Variants in POLR3B observed in about 807,000 individuals in gnomAD.
POLR3B encodes the protein RNA polymerase III subunit B.
In POLR3B, 96 loss-of-function variants were observed where a neutral mutation model predicts 147.4. The ratio of observed to expected loss-of-function variants is 0.65; its 90% CI spans 0.55 to 0.77. The LOEUF is 0.77. POLR3B is among the 30% of genes least tolerant of loss of function. The probability of loss-of-function intolerance (pLI) is 0.00; values close to 1 mark genes in which losing one functional copy is unlikely to be tolerated. For synonymous variants in POLR3B, 461 were observed against 485.9 expected, an observed-to-expected ratio of 0.95 and a Z score of 0.67; for missense variants, 1,036 against 1,413.5, an observed-to-expected ratio of 0.73 and a Z score of 4.28.
intron 6 of POLR3B, among the ~76,000 whole-genome samples, chr12:106,372,756 A>T (rs2036626934): frequency 6.6e-6 from 1 of 151,996 alleles, no homozygotes; most frequent in African/African-American, 2.4e-5. Context: ...TGTGTCACCC[A>T]CTTTGCTTCT....
chr12:106,401,730 G>C (rs1267215939), intron 10 of POLR3B, among the ~76,000 whole-genome samples: 1 of 152,170 alleles, frequency 6.6e-6, no homozygotes, highest in East Asian at 1.9e-4. Context: ...TATCTCAATA[G>C]ATGCGGAAAA....
intron 10 of POLR3B, among the ~76,000 whole-genome samples, chr12:106,402,433 C>G (rs1280757129): frequency 6.6e-6 from 1 of 152,210 alleles, no homozygotes; most frequent in African/African-American, 2.4e-5. Context: ...CTACCAGTGA[C>G]TTTCTTCACA....
At chr12:106,400,511 A>G (rs914403108) in intron 10 of POLR3B, among the ~76,000 whole-genome samples, 1 of 152,190 alleles carries the variant, frequency 6.6e-6, no homozygotes, top group African/African-American at 2.4e-5. Flanking sequence ...CCCCAAATCA[A>G]CAGAATATAC....
At chr12:106,470,595 T>C (rs1040432432) in intron 23 of POLR3B, among the ~76,000 whole-genome samples, 2 of 152,214 alleles carry the variant, frequency 1.3e-5, no homozygotes, top group Admixed American at 1.3e-4. Context: ...TGTGGTTTTA[T>C]CTACCTTTGG....
At position 106,444,698 on chromosome 12, in the gene POLR3B, A is replaced by T. The variant is rs962933216; in HGVS notation, c.2083+108A>T. 2.5e-6 allele frequency: 3 copies of T among 1,183,032 alleles called. No individual in the cohort carries two copies. In the African/African-American group the frequency reaches 4.5e-5, roughly 18 times the overall value. 73.3% of individuals were successfully genotyped at this position (1,183,032 alleles called of 1,614,324 possible). On this transcript the variant is annotated intron_variant, in intron 19 of 27. Coordinates refer to ENST00000228347, the MANE Select transcript of POLR3B (RefSeq NM_018082.6). The stretch of plus-strand genomic sequence containing the variant: ...CAGTATTATATGTTCCCAACCAGGC[A>T]CTGGGAACACCTGAGGGTTACCAAG...
chr12:106,400,413 T>C (rs557938248), intron 10 of POLR3B, among the ~76,000 whole-genome samples: 1 of 152,226 alleles, frequency 6.6e-6, no homozygotes, highest in African/African-American at 2.4e-5. Flanking sequence ...CTGTCAACAT[T>C]AGACAGATCA....
chr12:106,376,629 C>CTTTTTTTTTTTTTTTTTTTT (rs137973753), intron 7 of POLR3B, among the ~76,000 whole-genome samples, 179 bp downstream of exon 7: 2 of 147,448 alleles, frequency 1.4e-5, no homozygotes, highest in African/African-American at 2.6e-5. Flanking sequence ...TTCTTTCTTT[C>CTTTTTTTTTTTTTTTTTTTT]TTTTTTGAGA....
chr12:106,438,036 T>C (rs1366267008), intron 18 of POLR3B, among the ~76,000 whole-genome samples: 1 of 152,188 alleles, frequency 6.6e-6, no homozygotes, highest in Non-Finnish European at 1.5e-5. Context: ...CTTGATGCTC[T>C]TCCTCCCCCA....
intron 25 of POLR3B, chr12:106,500,209 T>G (rs1565917291): frequency 2.2e-6 from 1 of 450,362 alleles, no homozygotes. Flanking sequence ...TTGAGGCAGT[T>G]AAAAAAAAAT....
At position 106,437,790 on chromosome 12, in the gene POLR3B, T is replaced by C. The variant is rs1012231936; in HGVS notation, c.1955+11T>C. 6 of 1,440,300 alleles carry C rather than the reference T, an allele frequency of 4.2e-6. No individual in the cohort carries two copies. In the East Asian group the frequency reaches 1.1e-4, roughly 27 times the overall value. The allele number at this position is 1,440,300 out of a possible 1,614,324, so 89.2% of individuals were successfully genotyped here. On this transcript the variant is annotated intron_variant, in intron 18 of 27. Coordinates refer to ENST00000228347, the MANE Select transcript of POLR3B (RefSeq NM_018082.6). ...ACACACAATTAATAAGTAAGTAGGA[T>C]CCATAGCAACCATAATTAAAACGTG... is the stretch of plus-strand genomic sequence containing the variant.
In POLR3B at chr12:106,398,536, T is replaced by A. The variant is rs2037014800; in HGVS notation, c.846+5383T>A. Among the ~76,000 whole-genome samples, 6 of 152,300 alleles carry A rather than the reference T, an allele frequency of 3.9e-5. No homozygotes were observed. The South Asian group carries it at 1.2e-3, about 32-fold the overall frequency. ...ATCTGAGAATGGGCAGACTGCCTCC[T>A]CAAGTGGTTCCCTGACCCCCGAATA... On this transcript the variant is annotated intron_variant, in intron 10 of 27. Transcript: ENST00000228347.
At chr12:106,395,756 G>T (rs1288904368) in intron 10 of POLR3B, among the ~76,000 whole-genome samples, 3 of 152,068 alleles carry the variant, frequency 2.0e-5, no homozygotes, top group Non-Finnish European at 4.4e-5. Flanking sequence ...ATCATTTGAG[G>T]TCAGGAGTTC....
chr12:106,459,784 T>G (rs1240201512), intron 22 of POLR3B, among the ~76,000 whole-genome samples: 1 of 152,218 alleles, frequency 6.6e-6, no homozygotes, highest in Non-Finnish European at 1.5e-5. Context: ...TACTAGAACA[T>G]AGCCCAGCTC....
At chr12:106,464,612 C>G (rs527285653) in intron 23 of POLR3B, among the ~76,000 whole-genome samples, 4 of 152,264 alleles carry the variant, frequency 2.6e-5, no homozygotes, top group African/African-American at 9.6e-5. Context: ...AGTAAGTGCT[C>G]AAGAAGTAGC....
At chr12:106,460,598 T>C (rs1046879626) in intron 22 of POLR3B, among the ~76,000 whole-genome samples, 1 of 152,202 alleles carries the variant, frequency 6.6e-6, no homozygotes, top group African/African-American at 2.4e-5. Flanking sequence ...GGGTCCAGAC[T>C]CTACACTGAC....
intron 18 of POLR3B, 109 bp downstream of exon 18, chr12:106,437,888 A>G (rs2037598861): frequency 1.4e-6 from 1 of 722,102 alleles, no homozygotes; most frequent in East Asian, 2.7e-5. Flanking sequence ...TTTGACAGGA[A>G]CTGTTAGAAA....
chr12:106,428,004 C>A (rs10861604), intron 13 of POLR3B, among the ~76,000 whole-genome samples: 1 of 151,960 alleles, frequency 6.6e-6, no homozygotes. Flanking sequence ...GTATAATCTA[C>A]CATGTTGATT....
At chr12:106,415,753 T>C (rs2037293667) in intron 12 of POLR3B, among the ~76,000 whole-genome samples, 1 of 152,194 alleles carries the variant, frequency 6.6e-6, no homozygotes, top group African/African-American at 2.4e-5. Context: ...ATAAATATTG[T>C]AAAATAGCAG....
rs528606075 is a variant in POLR3B at position 106,470,114 on chromosome 12, C to T, written c.2713+6494C>T. Among the ~76,000 whole-genome samples, 10 of 152,280 alleles carry T rather than the reference C, an allele frequency of 6.6e-5. No individual in the cohort carries two copies. The South Asian group carries it at 1.7e-3, about 25-fold the overall frequency. On this transcript the variant is annotated intron_variant, in intron 23 of 27. Coordinates refer to ENST00000228347, the MANE Select transcript of POLR3B (RefSeq NM_018082.6). The stretch of plus-strand genomic sequence containing the variant: ...ATCAAACGTAGATTTGGTCTTTTCA[C>T]GTAGTCGCATATTTCTTGGAGGCTT...
Sources: gnomAD v4.1 joint callset for allele counts (sites outside exome capture counted in the v4.1 genomes callset) on GRCh38, gnomAD v4.1.1 for gene constraint, MANE v1.5 for transcripts, NCBI Gene and HGNC (gene_info 2026-07-23, HGNC 2026-07-21) for gene names.